Variants in SERINC5 observed in about 807,000 individuals in gnomAD.
SERINC5 encodes the protein chromosome 5 open reading frame 12.
SERINC5 carries 41 observed loss-of-function variants against 63.1 expected under a neutral mutation model. The observed-to-expected ratio is 0.65, with a 90% confidence interval of 0.51 to 0.84. The LOEUF (loss-of-function observed/expected upper bound fraction) is 0.84. Among genes scored for constraint, SERINC5 ranks in the 40% least tolerant of loss-of-function variants. SERINC5 has a pLI of 0.00. For missense variants in SERINC5, 523 were observed against 573.0 expected (o/e 0.91, Z 0.89); for synonymous variants, 222 against 215.2 (o/e 1.03, Z -0.28).
intron 5 of SERINC5, among the ~76,000 whole-genome samples, chr5:80,173,178 G>A (rs1287859244): frequency 6.7e-6 from 1 of 148,420 alleles, no homozygotes; most frequent in Non-Finnish European, 1.5e-5. Flanking sequence ...AGCAAAGAAA[G>A]AGGAAAGGAA....
intron 1 of SERINC5, among the ~76,000 whole-genome samples, chr5:80,241,892 G>C (rs1422597281): frequency 6.6e-6 from 1 of 152,156 alleles, no homozygotes; most frequent in East Asian, 1.9e-4. Context: ...GGAGGCCAAG[G>C]CAGGAGGATC....
At chr5:80,111,415 A>C (rs1004502201), downstream of SERINC5, among the ~76,000 whole-genome samples, 3 of 152,254 alleles carry the variant, frequency 2.0e-5, no homozygotes, top group Non-Finnish European at 4.4e-5. Flanking sequence ...GTTACAGGAA[A>C]GCAAACAGTT....
Position 80,139,660 on chromosome 5 carries a change from G to A in SERINC5, c.*4003C>T, listed in dbSNP as rs899753824. The A allele has an allele frequency of 2.6e-5, 26 of 984,698 alleles. No homozygotes were observed. Among genetic ancestry groups the A allele is most frequent in the Non-Finnish European group, 3.0e-5 (25 of 829,920 alleles). The allele number at this position is 984,698 out of a possible 1,614,324, so 61.0% of individuals were successfully genotyped here. On this transcript the variant is annotated 3_prime_UTR_variant, in exon 12 of 12. Transcript: ENST00000507668. ...AGCTCTCCAGTACTGTGAAGTCAAA[G>A]GCCCAACATTACAGAGCGCACCTCT...
chr5:80,187,883 C>T (rs1748920304), intron 2 of SERINC5, among the ~76,000 whole-genome samples: 2 of 152,206 alleles, frequency 1.3e-5, no homozygotes, highest in Non-Finnish European at 2.9e-5. Context: ...CCAAAGGAGA[C>T]AACTCCCAGA....
rs1751282665 is a variant in SERINC5 at position 80,228,622 on chromosome 5, GT to G, written c.28-25570del. Among the ~76,000 whole-genome samples, 3 of 151,948 alleles carry G rather than the reference GT, an allele frequency of 2.0e-5. No individual in the cohort carries two copies. In the South Asian group the frequency reaches 6.2e-4, roughly 32 times the overall value. ...AGGCACATGCCACCATGCCCTGCTAGTTTTTTTATTTTATTTTTTGTTTGCT... is the reference window on the plus strand; with the variant it reads ...AGGCACATGCCACCATGCCCTGCTAGTTTTTTATTTTATTTTTTGTTTGCT... On this transcript the variant is annotated intron_variant, in intron 1 of 11. Coordinates refer to ENST00000507668, the MANE Select transcript of SERINC5 (RefSeq NM_001174072.3).
intron 11 of SERINC5, among the ~76,000 whole-genome samples, chr5:80,129,395 C>T (rs772624503): frequency 1.3e-5 from 2 of 152,188 alleles, no homozygotes; most frequent in East Asian, 3.9e-4. Flanking sequence ...AACTCATCTG[C>T]TGCACTCAAG....
intron 2 of SERINC5, among the ~76,000 whole-genome samples, chr5:80,185,024 A>C (rs1748712560): frequency 6.6e-6 from 1 of 152,026 alleles, no homozygotes; most frequent in Non-Finnish European, 1.5e-5. Context: ...TTACAGGCAT[A>C]CACCACTATG....
chr5:80,122,907 G>C (rs1340324892), intron 11 of SERINC5, among the ~76,000 whole-genome samples: 2 of 152,232 alleles, frequency 1.3e-5, no homozygotes, highest in Admixed American at 6.5e-5. Context: ...TTTTCTCAGT[G>C]CCTCCAGGTA....
intron 1 of SERINC5, among the ~76,000 whole-genome samples, chr5:80,239,750 T>C (rs962661503): frequency 6.6e-6 from 1 of 152,100 alleles, no homozygotes; most frequent in East Asian, 1.9e-4. Flanking sequence ...ACTACAGCCT[T>C]GAGAAGCCAG....
At chr5:80,197,452 T>C (rs1284055913) in intron 2 of SERINC5, among the ~76,000 whole-genome samples, 3 of 151,642 alleles carry the variant, frequency 2.0e-5, no homozygotes, top group Non-Finnish European at 2.9e-5. Flanking sequence ...CAAAATAGAT[T>C]AGTGGCTGCC....
intron 1 of SERINC5, among the ~76,000 whole-genome samples, chr5:80,243,342 C>T (rs1257105378): frequency 6.6e-6 from 1 of 152,134 alleles, no homozygotes; most frequent in African/African-American, 2.4e-5. Flanking sequence ...ATCTGATTTG[C>T]ATCCCTTCAA....
At chr5:80,119,810 CA>C (rs1744473132) in intron 11 of SERINC5, among the ~76,000 whole-genome samples, 1 of 152,192 alleles carries the variant, frequency 6.6e-6, no homozygotes, top group Non-Finnish European at 1.5e-5. Flanking sequence ...GCTGGTTAAA[CA>C]AAGCTTCAAC....
intron 2 of SERINC5, among the ~76,000 whole-genome samples, chr5:80,179,953 T>C (rs890718397): frequency 3.3e-5 from 5 of 152,198 alleles, no homozygotes; most frequent in Admixed American, 6.5e-5. Context: ...AAACCCAATA[T>C]CCTGTTTTAA....
intron 1 of SERINC5, among the ~76,000 whole-genome samples, chr5:80,229,036 T>TC (rs1205441222): frequency 2.8e-5 from 1 of 35,622 alleles, no homozygotes; most frequent in African/African-American, 3.2e-4. Flanking sequence ...TTTTTTTTTT[T>TC]TTTTTTTTTT....
At chr5:80,117,729 G>C (rs1163080968) in intron 11 of SERINC5, among the ~76,000 whole-genome samples, 1 of 150,750 alleles carries the variant, frequency 6.6e-6, no homozygotes, top group African/African-American at 2.4e-5. Context: ...AAGTCTGAAA[G>C]TACTATGTTG....
chr5:80,179,321 CAAT>C (rs1165683250), intron 2 of SERINC5, among the ~76,000 whole-genome samples: 3 of 152,080 alleles, frequency 2.0e-5, no homozygotes, highest in African/African-American at 7.2e-5. Context: ...CAAAAATAAA[CAAT>C]AAGCCATGAA....
At chr5:80,144,347 T>C (rs1745689871) in intron 11 of SERINC5, among the ~76,000 whole-genome samples, 1 of 152,212 alleles carries the variant, frequency 6.6e-6, no homozygotes, top group Admixed American at 6.5e-5. Context: ...CCTAGTTTTC[T>C]TTTTGTCTTA....
intron 1 of SERINC5, among the ~76,000 whole-genome samples, chr5:80,250,157 T>C (rs935431211): frequency 6.6e-6 from 1 of 152,194 alleles, no homozygotes. Context: ...AGCCAGGATT[T>C]AATTCCAATG....
At chr5:80,249,913 CA>C (rs1276476871) in intron 1 of SERINC5, among the ~76,000 whole-genome samples, 2 of 152,128 alleles carry the variant, frequency 1.3e-5, no homozygotes, top group African/African-American at 4.8e-5. Context: ...CTCTGTTTCA[CA>C]AATACTTCCC....
Sources: gnomAD v4.1 joint callset for allele counts (sites outside exome capture counted in the v4.1 genomes callset) on GRCh38, gnomAD v4.1.1 for gene constraint, MANE v1.5 for transcripts, NCBI Gene and HGNC (gene_info 2026-07-23, HGNC 2026-07-21) for gene names.